The following GALNTL6 variants were observed in gnomAD, a reference collection of about 807,000 sequenced individuals.
GALNTL6 encodes the protein polypeptide N-acetylgalactosaminyltransferase-like 6.
A neutral mutation model predicts 73.7 loss-of-function variants in GALNTL6; 46 were observed. The observed-to-expected ratio is 0.62, with a 90% confidence interval of 0.49 to 0.80. GALNTL6 has a LOEUF of 0.80. Among genes scored for constraint, GALNTL6 ranks in the 30% least tolerant of loss-of-function variants. The pLI is 0.00. For synonymous variants in GALNTL6, 259 were observed against 263.7 expected (o/e 0.98, Z 0.17); for missense variants, 604 against 755.0 (o/e 0.80, Z 2.34).
intron 2 of GALNTL6, among the ~76,000 whole-genome samples, chr4:172,130,578 AGAAAATATTT>A (rs1733461701): frequency 6.6e-6 from 1 of 152,118 alleles, no homozygotes; most frequent in Non-Finnish European, 1.5e-5. Flanking sequence ...CAAACTTAAC[AGAAAATATTT>A]GTAAAGTTAA....
At chr4:172,544,198 T>A (rs1735672956) in intron 5 of GALNTL6, among the ~76,000 whole-genome samples, 1 of 152,102 alleles carries the variant, frequency 6.6e-6, no homozygotes, top group African/African-American at 2.4e-5. Flanking sequence ...CTGTGGAGTA[T>A]ATGAAGCCAG....
chr4:172,112,189 G>A (rs1309786158), intron 2 of GALNTL6, among the ~76,000 whole-genome samples: 2 of 152,060 alleles, frequency 1.3e-5, no homozygotes, highest in East Asian at 3.9e-4. Context: ...TTAGCAATAT[G>A]CATTTATGGC....
At chr4:172,058,958 A>C (rs1381020547) in intron 2 of GALNTL6, among the ~76,000 whole-genome samples, 2 of 152,192 alleles carry the variant, frequency 1.3e-5, no homozygotes, top group East Asian at 3.8e-4. Context: ...TTTTCTATTG[A>C]GATGTGTACA....
chr4:172,458,428 A>G (rs753518411), intron 5 of GALNTL6, among the ~76,000 whole-genome samples: 3 of 151,960 alleles, frequency 2.0e-5, no homozygotes, highest in Non-Finnish European at 2.9e-5. Flanking sequence ...CAGTGAATTC[A>G]GGAGCTGGTT....
intron 10 of GALNTL6, among the ~76,000 whole-genome samples, chr4:172,958,604 G>A (rs1377031934): frequency 1.3e-5 from 2 of 152,176 alleles, no homozygotes; most frequent in Non-Finnish European, 2.9e-5. Flanking sequence ...AAGGTGTTGG[G>A]GTTTGAGAGA....
chr4:172,742,841 T>G (rs2110744382), intron 5 of GALNTL6, among the ~76,000 whole-genome samples: 1 of 152,206 alleles, frequency 6.6e-6, no homozygotes, highest in Middle Eastern at 3.4e-3. Context: ...GGTGCTAATG[T>G]ATTATGCAGA....
At chr4:172,115,891 A>T (rs1732971664) in intron 2 of GALNTL6, among the ~76,000 whole-genome samples, 1 of 152,062 alleles carries the variant, frequency 6.6e-6, no homozygotes, top group Admixed American at 6.6e-5. Context: ...GTTTTCTTGA[A>T]CATTGCTTTA....
intron 2 of GALNTL6, among the ~76,000 whole-genome samples, chr4:171,979,617 G>T (rs958051905): frequency 3.9e-5 from 6 of 152,164 alleles, no homozygotes; most frequent in Admixed American, 1.3e-4. Flanking sequence ...CTGGGGCAGA[G>T]TTTCCCAAAC....
chr4:172,264,120 A>G (rs911294666), intron 3 of GALNTL6, among the ~76,000 whole-genome samples: 8 of 151,628 alleles, frequency 5.3e-5, no homozygotes, highest in Non-Finnish European at 1.2e-4. Flanking sequence ...TAAGACAGAG[A>G]TAAAGAAGGC....
chr4:172,715,191 C>T (rs75232659), intron 5 of GALNTL6, among the ~76,000 whole-genome samples: 10 of 152,174 alleles, frequency 6.6e-5, no homozygotes, highest in Admixed American at 1.3e-4. Context: ...AGGCAGAATT[C>T]GGAAAAACTC....
chr4:172,587,988 T>C (rs1205651502), intron 5 of GALNTL6, among the ~76,000 whole-genome samples: 1 of 152,188 alleles, frequency 6.6e-6, no homozygotes, highest in Non-Finnish European at 1.5e-5. Context: ...TTGCCCATAG[T>C]AGGCCCTCGA....
chr4:172,918,169 C>T (rs3105222), intron 8 of GALNTL6, among the ~76,000 whole-genome samples: 4,255 of 152,154 alleles, frequency 0.028, 212 homozygotes, highest in African/African-American at 0.097. Flanking sequence ...TGCTCTCACT[C>T]ATAAGTGGGA....
At chr4:171,884,856 G>T (rs1736563244) in intron 2 of GALNTL6, among the ~76,000 whole-genome samples, 2 of 152,042 alleles carry the variant, frequency 1.3e-5, no homozygotes, top group South Asian at 4.2e-4. Context: ...AGGAGTTCAA[G>T]ACCAGCCTGG....
At chr4:172,605,336 G>A (rs1738212656) in intron 5 of GALNTL6, among the ~76,000 whole-genome samples, 1 of 152,100 alleles carries the variant, frequency 6.6e-6, no homozygotes, top group Non-Finnish European at 1.5e-5. Flanking sequence ...TTAACTCTCT[G>A]ACTGGTGCTG....
At chr4:172,320,594 T>C (rs1740724040) in intron 4 of GALNTL6, among the ~76,000 whole-genome samples, 1 of 152,062 alleles carries the variant, frequency 6.6e-6, no homozygotes, top group Admixed American at 6.6e-5. Flanking sequence ...AAAAAAAGAA[T>C]GAGAAACTTG....
In GALNTL6 at chr4:172,675,028, T is replaced by C. The variant is rs567640024; in HGVS notation, c.554-134333T>C. Reference sequence around the variant, plus strand: ...CCTTGCTGGAGACATGATGCAGTCATTTGGAGGAAAAGCAGAACTCTGGCT... The same window carrying C: ...CCTTGCTGGAGACATGATGCAGTCACTTGGAGGAAAAGCAGAACTCTGGCT... On this transcript the variant is annotated intron_variant, in intron 5 of 12. Coordinates refer to ENST00000506823, the MANE Select transcript of GALNTL6 (RefSeq NM_001034845.3). Among the ~76,000 whole-genome samples the C allele has an allele frequency of 6.0e-4, 92 of 152,302 alleles. 1 individual carries two copies. In the South Asian group the frequency reaches 0.016, roughly 26 times the overall value.
At chr4:172,107,120 G>T (rs542851242) in intron 2 of GALNTL6, among the ~76,000 whole-genome samples, 1 of 152,078 alleles carries the variant, frequency 6.6e-6, no homozygotes, top group Non-Finnish European at 1.5e-5. Flanking sequence ...TGATCTGCCC[G>T]CCTCGGCCTC....
At chr4:172,345,576 G>T (rs1741712209) in intron 4 of GALNTL6, among the ~76,000 whole-genome samples, 1 of 152,146 alleles carries the variant, frequency 6.6e-6, no homozygotes, top group Admixed American at 6.5e-5. Flanking sequence ...TAAGAGTGTT[G>T]CCTATTTGAC....
At chr4:172,034,395 C>CGTGTGTGTGTGTGTGTGT (rs1180185966) in intron 2 of GALNTL6, among the ~76,000 whole-genome samples, 1 of 139,604 alleles carries the variant, frequency 7.2e-6, no homozygotes, top group African/African-American at 2.7e-5. Context: ...GGGGAGCGTG[C>CGTGTGTGTGTGTGTGTGT]GTGCGTGTGT....
Sources: allele counts gnomAD v4.1 joint callset (sites outside exome capture counted in the v4.1 genomes callset), GRCh38; gene constraint gnomAD v4.1.1; transcripts MANE v1.5; gene names NCBI Gene and HGNC (gene_info 2026-07-23, HGNC 2026-07-21).